Variants in FGGY observed in about 807,000 individuals in gnomAD.
FGGY encodes FGGY carbohydrate kinase domain containing.
Under a neutral mutation model 71.3 loss-of-function variants are expected in FGGY, and 72 were observed. The observed-to-expected ratio is 1.01, with a 90% CI of 0.84 to 1.23. FGGY has a LOEUF of 1.23. Among genes scored for constraint, FGGY ranks in the 50% most tolerant of loss-of-function variants. FGGY has a pLI of 0.00. For synonymous variants in FGGY, 251 were observed against 250.3 expected, an observed-to-expected ratio of 1.00 and a Z score of -0.02; for missense variants, 668 against 682.3, an observed-to-expected ratio of 0.98 and a Z score of 0.23.
In FGGY at chr1:59,324,266, CTTTTTTTTTTTTTTTT is replaced by C. The variant is rs71046329; in HGVS notation, c.201+2529_201+2544del. On this transcript the variant is annotated intron_variant, in intron 2 of 15. Transcript: ENST00000303721. ...CTTCATTTTATCCTTATAATAACTA[CTTTTTTTTTTTTTTTT>C]TTTTTTTTTTTTGAGACGGAGTCTC... 1.2e-4 allele frequency among the ~76,000 whole-genome samples: 9 copies of C among 78,132 alleles called. No homozygotes were observed. In the South Asian group the frequency reaches 3.5e-3, roughly 31 times the overall value. The allele number at this position is 78,132 out of a possible 152,430, so 51.3% of individuals were successfully genotyped here. A position where few individuals can be genotyped will look rare whatever the true frequency, so the allele number is the denominator to read the frequency against.
At chr1:59,594,749 C>T (rs1034147852) in intron 8 of FGGY, among the ~76,000 whole-genome samples, 4 of 152,218 alleles carry the variant, frequency 2.6e-5, no homozygotes, top group Non-Finnish European at 5.9e-5. Context: ...AATAAGCCCA[C>T]ACTATGCACA....
At chr1:59,725,804 G>C (rs549776838) in intron 14 of FGGY, among the ~76,000 whole-genome samples, 5 of 152,024 alleles carry the variant, frequency 3.3e-5, no homozygotes, top group African/African-American at 1.2e-4. Flanking sequence ...TCATTGGGTG[G>C]GTTGGTTGAT....
intron 11 of FGGY, among the ~76,000 whole-genome samples, chr1:59,648,380 T>A (rs1273827955): frequency 7.4e-6 from 1 of 135,390 alleles, no homozygotes; most frequent in Non-Finnish European, 1.5e-5. Context: ...GTAAAAGTGT[T>A]CCTATTTCTC....
intron 3 of FGGY, among the ~76,000 whole-genome samples, chr1:59,340,514 T>C (rs1425788719): frequency 1.3e-5 from 2 of 152,296 alleles, no homozygotes; most frequent in East Asian, 3.9e-4. Context: ...ATGTGACAGA[T>C]AGAAGGTAGA....
rs1481833276 is a variant in FGGY at position 59,438,112 on chromosome 1, G to A, written c.555-18849G>A. Among the ~76,000 whole-genome samples the A allele has an allele frequency of 2.8e-4, 43 of 152,158 alleles. 2 individuals carry two copies. The highest frequency in any genetic ancestry group is 5.9e-5 in the Non-Finnish European group (4 of 68,028). Reference sequence around the variant, plus strand: ...TATGGGTCAGTTGCTGTGCCAGGAGGTCCTTTGACTACAGTCTATTCCTCA... The same window carrying A: ...TATGGGTCAGTTGCTGTGCCAGGAGATCCTTTGACTACAGTCTATTCCTCA... On this transcript the variant is annotated intron_variant, in intron 5 of 15. Transcript: ENST00000303721.
intron 1 of FGGY, among the ~76,000 whole-genome samples, chr1:59,319,788 C>A (rs1456536943): frequency 6.6e-6 from 1 of 152,022 alleles, no homozygotes; most frequent in Non-Finnish European, 1.5e-5. Context: ...GGTGTGAGAT[C>A]CCGTGCTGAG....
chr1:59,762,572 G>A lies in FGGY; in HGVS notation c.1644G>A (p.Met548Ile), dbSNP rs752399407. Residue 548 changes from methionine (M) to isoleucine (I), a missense_variant, in exon 16 of 16, where the codon ATG becomes ATA. By Grantham distance (10) the Met-to-Ile change is conservative (BLOSUM62 1). Transcript: ENST00000303721. ...ACCAGAAGGAGTATTTGGCGATCAT[G>A]AATGATGACTGAACAGGGCTTGCAG... is the stretch of plus-strand genomic sequence containing the variant. ...VEHQKEYLAIMNDD is the reference protein window; with the variant it reads ...VEHQKEYLAIINDD 2.8e-5 allele frequency: 45 copies of A among 1,613,714 alleles called. No individual in the cohort carries two copies. Among genetic ancestry groups the A allele is most frequent in the Non-Finnish European group, 3.4e-5 (40 of 1,179,750 alleles).
chr1:59,752,355 A>G (rs1373299153), intron 14 of FGGY, among the ~76,000 whole-genome samples: 1 of 152,122 alleles, frequency 6.6e-6, no homozygotes, highest in Non-Finnish European at 1.5e-5. Context: ...GGGAGTTCAT[A>G]TATAGCTTGT....
At chr1:59,705,635 C>T (rs193281358) in intron 14 of FGGY, among the ~76,000 whole-genome samples, 2 of 152,308 alleles carry the variant, frequency 1.3e-5, no homozygotes, top group Admixed American at 6.5e-5. Context: ...GTCATCTGAG[C>T]GTTGGATCAT....
chr1:59,717,736 A>G (rs919834791), intron 14 of FGGY, among the ~76,000 whole-genome samples: 6 of 152,208 alleles, frequency 3.9e-5, no homozygotes, highest in African/African-American at 1.2e-4. Flanking sequence ...TCTCACGGCT[A>G]CTGGCACTAT....
chr1:59,667,138 A>G (rs2097333081), intron 12 of FGGY, 145 bp from the exon 13 acceptor site: 1 of 1,045,680 alleles, frequency 9.6e-7, no homozygotes, highest in Middle Eastern at 2.4e-4. Context: ...ATCATAGACA[A>G]CATAATCTCT....
At chr1:59,734,328 A>G (rs1017640010) in intron 14 of FGGY, among the ~76,000 whole-genome samples, 4 of 152,048 alleles carry the variant, frequency 2.6e-5, no homozygotes, top group Non-Finnish European at 5.9e-5. Context: ...CTCACCTCCC[A>G]GGTAGCTGGG....
intron 14 of FGGY, among the ~76,000 whole-genome samples, chr1:59,719,049 C>A (rs2097865219): frequency 1.3e-5 from 2 of 152,196 alleles, no homozygotes; most frequent in Non-Finnish European, 2.9e-5. Context: ...ACCCTGCCAG[C>A]CTGTGTGAGA....
intron 15 of FGGY, among the ~76,000 whole-genome samples, chr1:59,760,369 G>A (rs2098331390): frequency 6.6e-6 from 1 of 152,204 alleles, no homozygotes; most frequent in Non-Finnish European, 1.5e-5. Context: ...TATCGCTGCT[G>A]CAGAAAACAC....
At chr1:59,734,347 C>A (rs867842556) in intron 14 of FGGY, among the ~76,000 whole-genome samples, 1 of 152,144 alleles carries the variant, frequency 6.6e-6, no homozygotes, top group Non-Finnish European at 1.5e-5. Context: ...GGACCGCAGG[C>A]GTGCACCGCC....
In FGGY at chr1:59,534,588, A is replaced by C. The variant is rs928848823; in HGVS notation, c.800-19536A>C. On this transcript the variant is annotated intron_variant, in intron 7 of 15. Transcript: ENST00000303721. ...GTTAAGGGCAGCCAGAGAGAAAGGT[A>C]GGGTTATCCTCAAAGGGAAGCCCAT... 3.3e-5 allele frequency among the ~76,000 whole-genome samples: 5 copies of C among 152,184 alleles called. No homozygotes were observed. In the East Asian group the frequency reaches 7.7e-4, roughly 23 times the overall value.
At chr1:59,337,328 G>A (rs1306841719) in intron 2 of FGGY, among the ~76,000 whole-genome samples, 1 of 152,056 alleles carries the variant, frequency 6.6e-6, no homozygotes, top group Non-Finnish European at 1.5e-5. Context: ...GAGGAGAAAA[G>A]GTGCCTCACT....
intron 6 of FGGY, among the ~76,000 whole-genome samples, chr1:59,485,916 T>C (rs2093644518): frequency 6.6e-6 from 1 of 152,194 alleles, no homozygotes; most frequent in African/African-American, 2.4e-5. Flanking sequence ...TTAAACTTTC[T>C]GTAAATCACT....
chr1:59,729,955 T>C (rs2098003933), intron 14 of FGGY, among the ~76,000 whole-genome samples: 1 of 152,076 alleles, frequency 6.6e-6, no homozygotes, highest in Non-Finnish European at 1.5e-5. Context: ...CTGTAAAAAA[T>C]ATTTTACAGT....
Sources: allele counts gnomAD v4.1 joint callset (sites outside exome capture counted in the v4.1 genomes callset), GRCh38; gene constraint gnomAD v4.1.1; transcripts MANE v1.5; gene names NCBI Gene and HGNC (gene_info 2026-07-23, HGNC 2026-07-21).